The following ADGRL2 variants were observed in gnomAD, a reference collection of about 807,000 sequenced individuals.
The protein encoded by ADGRL2 is calcium-independent alpha-latrotoxin receptor 2.
A neutral mutation model predicts 157.4 loss-of-function variants in ADGRL2; 44 were observed. That is an observed-to-expected ratio of 0.28 (90% CI 0.22 to 0.36). ADGRL2 has a LOEUF of 0.36. ADGRL2 is among the 10% of genes least tolerant of loss of function. ADGRL2 has a pLI of 1.00. For missense variants in ADGRL2, 1,510 were observed against 1,768.9 expected (o/e 0.85, Z 2.63); for synonymous variants, 585 against 624.7 (o/e 0.94, Z 0.95).
rs185158007 is a variant in ADGRL2, at chr1:81,461,700, G to T, written c.-248+16611G>T. On this transcript the variant is annotated intron_variant, in intron 2 of 24. Coordinates refer to the ADGRL2 transcript ENST00000370721. ...AAAGAGGATACAATGTTGTAAATAT[G>T]TTGATACTTTCTGATCACTCTGAAG... 1.2e-3 allele frequency among the ~76,000 whole-genome samples: 181 copies of T among 152,254 alleles called. 2 individuals carry two copies. The highest frequency in any genetic ancestry group is 4.1e-3 in the African/African-American group (172 of 41,558).
At chr1:81,432,830 T>TG (rs769851707) in intron 1 of ADGRL2, among the ~76,000 whole-genome samples, 1 of 152,042 alleles carries the variant, frequency 6.6e-6, no homozygotes, top group African/African-American at 2.4e-5. Context: ...TGGGGCGGCA[T>TG]GGGGAATGTG....
intron 11 of ADGRL2, among the ~76,000 whole-genome samples, chr1:81,961,664 C>A (rs192438036): frequency 2.0e-5 from 3 of 151,756 alleles, no homozygotes; most frequent in African/African-American, 7.3e-5. Context: ...TGCATCACTA[C>A]GCCCAGCTAA....
intron 1 of ADGRL2, among the ~76,000 whole-genome samples, chr1:81,355,293 A>G (rs1319734498): frequency 6.6e-6 from 1 of 152,108 alleles, no homozygotes; most frequent in East Asian, 1.9e-4. Flanking sequence ...TAGGAGATGG[A>G]GGCTGCCGTG....
At chr1:81,503,585 T>C (rs886632502) in intron 2 of ADGRL2, 377 of 1,205,762 alleles carry the variant, frequency 3.1e-4, no homozygotes, top group Non-Finnish European at 4.0e-4. Flanking sequence ...TGGCCAGACA[T>C]TGAGAGTTTG....
At chr1:81,345,568 TA>T (rs769998402) in intron 1 of ADGRL2, among the ~76,000 whole-genome samples, 14 of 152,232 alleles carry the variant, frequency 9.2e-5, no homozygotes, top group Non-Finnish European at 1.6e-4. Flanking sequence ...AATATTAAAA[TA>T]AAAAATACAG....
chr1:81,886,377 G>A (rs1331774415), intron 2 of ADGRL2, among the ~76,000 whole-genome samples: 1 of 152,056 alleles, frequency 6.6e-6, no homozygotes, highest in Non-Finnish European at 1.5e-5. Context: ...TCACCATGTT[G>A]GCCAGGAAAG....
Position 81,992,350 on chromosome 1 carries a change from A to G in ADGRL2, c.*1205A>G, listed in dbSNP as rs1287784839. Reference sequence around the variant, plus strand: ...ATCCCTTTGTGTAAACCTGTTAATAATGAGCCCATCACTAATATCCAGTGT... The same window carrying G: ...ATCCCTTTGTGTAAACCTGTTAATAGTGAGCCCATCACTAATATCCAGTGT... On this transcript the variant is annotated 3_prime_UTR_variant, in exon 24 of 24. Transcript: ENST00000686636. 2 of 152,576 alleles carry G rather than the reference A, an allele frequency of 1.3e-5. No homozygotes were observed. The highest frequency in any genetic ancestry group is 4.8e-5 in the African/African-American group (2 of 41,434). The allele number at this position is 152,576 out of a possible 1,614,324, so 9.5% of individuals were successfully genotyped here.
rs926138310 is a variant in ADGRL2 at position 81,616,387 on chromosome 1, T to C, written c.-143+35407T>C. Reference sequence around the variant, plus strand: ...ACCATCTGAGTTCATCCACCATATTTGGAATTGTGCAAAATCTGTTACTGG... The same window carrying C: ...ACCATCTGAGTTCATCCACCATATTCGGAATTGTGCAAAATCTGTTACTGG... On this transcript the variant is annotated intron_variant, in intron 3 of 24. Transcript: ENST00000370721. 2.6e-5 allele frequency among the ~76,000 whole-genome samples: 4 copies of C among 152,138 alleles called. No homozygotes were observed. The East Asian group carries it at 5.8e-4, about 22-fold the overall frequency.
At chr1:81,721,120 C>T (rs1000834808) in intron 1 of ADGRL2, among the ~76,000 whole-genome samples, 4 of 150,730 alleles carry the variant, frequency 2.7e-5, no homozygotes, top group South Asian at 2.1e-4. Flanking sequence ...GATCCTCCTG[C>T]GTCAGCCTCC....
intron 4 of ADGRL2, among the ~76,000 whole-genome samples, chr1:81,937,635 T>G (rs2148873587): frequency 6.6e-6 from 1 of 151,996 alleles, no homozygotes; most frequent in East Asian, 1.9e-4. Context: ...ATTGTTGTCT[T>G]CTTTGCTTTT....
At position 81,598,395 on chromosome 1, in the gene ADGRL2, GAA is replaced by G. The variant is rs751853836; in HGVS notation, c.-143+17421_-143+17422del. Among the ~76,000 whole-genome samples the G allele has an allele frequency of 5.3e-5, 8 of 152,036 alleles. No individual in the cohort carries two copies. The East Asian group carries it at 5.8e-4, about 11-fold the overall frequency. On this transcript the variant is annotated intron_variant, in intron 3 of 24. Transcript: ENST00000370721. ...AGGTAAGAGAGAATATATTAAGCGT[GAA>G]AAAAATATTCTTTCTAAAGTTCTTA...
At chr1:81,485,602 C>G (rs557843630) in intron 2 of ADGRL2, among the ~76,000 whole-genome samples, 29 of 152,212 alleles carry the variant, frequency 1.9e-4, no homozygotes, top group Admixed American at 2.6e-4. Flanking sequence ...GCCTCAAGAA[C>G]AATGAACCTA....
At chr1:81,717,247 C>G (rs2084148592) in intron 1 of ADGRL2, among the ~76,000 whole-genome samples, 1 of 152,120 alleles carries the variant, frequency 6.6e-6, no homozygotes, top group Non-Finnish European at 1.5e-5. Context: ...AAGTCATGAA[C>G]CAGTTATATA....
At chr1:81,362,856 C>A (rs2076003003) in intron 1 of ADGRL2, among the ~76,000 whole-genome samples, 1 of 151,946 alleles carries the variant, frequency 6.6e-6, no homozygotes, top group South Asian at 2.1e-4. Flanking sequence ...ATTTACTTAA[C>A]CATTCCTAAC....
At chr1:81,416,860 C>A (rs1324533872) in intron 1 of ADGRL2, among the ~76,000 whole-genome samples, 1 of 152,100 alleles carries the variant, frequency 6.6e-6, no homozygotes, top group African/African-American at 2.4e-5. Context: ...TCTTAAGAAG[C>A]ATCTTTGATT....
chr1:81,870,791 T>G (rs2093670587), intron 2 of ADGRL2, among the ~76,000 whole-genome samples: 1 of 152,094 alleles, frequency 6.6e-6, no homozygotes, highest in Non-Finnish European at 1.5e-5. Flanking sequence ...TTTTTCATGG[T>G]TCTCTATTTT....
chr1:81,377,615 T>C (rs1395782683), intron 1 of ADGRL2, among the ~76,000 whole-genome samples: 2 of 152,288 alleles, frequency 1.3e-5, no homozygotes, highest in East Asian at 3.9e-4. Flanking sequence ...GGGGTCATGA[T>C]ACGCACGTCA....
At chr1:81,423,590 T>A (rs6675626) in intron 1 of ADGRL2, among the ~76,000 whole-genome samples, 74,119 of 152,074 alleles carry the variant, frequency 0.49, 18,512 homozygotes, top group Non-Finnish European at 0.54. Flanking sequence ...CATAATTATT[T>A]TACAATATTG....
At chr1:81,504,201 C>G (rs150251496) in intron 2 of ADGRL2, among the ~76,000 whole-genome samples, 43 of 152,156 alleles carry the variant, frequency 2.8e-4, no homozygotes, top group African/African-American at 1.4e-4. Flanking sequence ...GGCCGCCCCC[C>G]CAAACCTCAT....
Sources: allele counts gnomAD v4.1 joint callset (sites outside exome capture counted in the v4.1 genomes callset), GRCh38; gene constraint gnomAD v4.1.1; transcripts MANE v1.5; gene names NCBI Gene and HGNC (gene_info 2026-07-23, HGNC 2026-07-21).